ACER3: variants seen among roughly 807,000 people sequenced by gnomAD.
The protein encoded by ACER3 is alkaline ceramidase 3.
ACER3 carries 16 observed loss-of-function variants against 48.9 expected under a neutral mutation model. That is an observed-to-expected ratio of 0.33 (90% CI 0.22 to 0.50). The LOEUF (loss-of-function observed/expected upper bound fraction) is 0.50, where lower values mean the gene tolerates loss of function less well. Among genes scored for constraint, ACER3 ranks in the 20% least tolerant of loss-of-function variants. The pLI is 0.98. For missense variants in ACER3, 227 were observed against 326.0 expected, an observed-to-expected ratio of 0.70 and a Z score of 2.34; for synonymous variants, 109 against 107.8, an observed-to-expected ratio of 1.01 and a Z score of -0.07.
At chr11:76,872,761 A>C (rs1450224623) in intron 1 of ACER3, among the ~76,000 whole-genome samples, 1 of 152,158 alleles carries the variant, frequency 6.6e-6, no homozygotes, top group Non-Finnish European at 1.5e-5. Context: ...GAAGTGCTTT[A>C]CAACAATGGG....
At chr11:76,904,077 C>T (rs968067649) in intron 1 of ACER3, among the ~76,000 whole-genome samples, 4 of 152,136 alleles carry the variant, frequency 2.6e-5, no homozygotes, top group Non-Finnish European at 5.9e-5. Flanking sequence ...ACCTCAGCCT[C>T]GTGGGTTCAA....
At chr11:76,963,452 G>C (rs1241393319) in intron 3 of ACER3, among the ~76,000 whole-genome samples, 1 of 138,604 alleles carries the variant, frequency 7.2e-6, no homozygotes, top group African/African-American at 2.6e-5. Flanking sequence ...ATTTTCTTGA[G>C]ACCACAAGCT....
At chr11:76,893,679 T>C (rs532359209) in intron 1 of ACER3, among the ~76,000 whole-genome samples, 2 of 152,294 alleles carry the variant, frequency 1.3e-5, no homozygotes, top group African/African-American at 4.8e-5. Context: ...GAGAAAATAC[T>C]TCATAGATTT....
At chr11:76,933,090 A>T (rs929370137) in intron 2 of ACER3, among the ~76,000 whole-genome samples, 42 of 151,236 alleles carry the variant, frequency 2.8e-4, no homozygotes, top group Non-Finnish European at 5.9e-4. Context: ...ATTAAGGGGA[A>T]TTAAGATCCT....
At chr11:76,952,033 T>C (rs990375086) in intron 2 of ACER3, among the ~76,000 whole-genome samples, 1 of 152,002 alleles carries the variant, frequency 6.6e-6, no homozygotes, top group Non-Finnish European at 1.5e-5. Flanking sequence ...ACTTAGGAGA[T>C]GGCACTTAAA....
chr11:76,980,904 A>G (rs1488480289), intron 4 of ACER3, among the ~76,000 whole-genome samples: 1 of 152,224 alleles, frequency 6.6e-6, no homozygotes, highest in Non-Finnish European at 1.5e-5. Flanking sequence ...AACTTATTGT[A>G]TGCTATTCAT....
Position 77,025,244 on chromosome 11 carries a change from A to G in ACER3, c.*4917A>G, listed in dbSNP as rs1040291225. The stretch of plus-strand genomic sequence containing the variant: ...CCCTATAAGCATTCATTCAGAGATC[A>G]TCTGTGCCTAAAAGAAAATGATAAA... On this transcript the variant is annotated 3_prime_UTR_variant, in exon 11 of 11. Transcript: ENST00000532485. 1.8e-4 allele frequency: 28 copies of G among 152,038 alleles called. No individual in the cohort carries two copies. The highest frequency in any genetic ancestry group is 1.8e-3 in the Admixed American group (27 of 15,262). 9.4% of individuals were successfully genotyped at this position (152,038 alleles called of 1,614,324 possible).
At chr11:77,019,898 A>G (rs1949443649) in intron 10 of ACER3, 122 bp downstream of exon 10, 1 of 977,454 alleles carries the variant, frequency 1.0e-6, no homozygotes, top group Non-Finnish European at 1.6e-6. Context: ...CTTTGGAACC[A>G]AAGGCTGTGA....
At chr11:76,894,974 A>G (rs906502290) in intron 1 of ACER3, among the ~76,000 whole-genome samples, 4 of 152,200 alleles carry the variant, frequency 2.6e-5, no homozygotes, top group Admixed American at 2.6e-4. Context: ...GAAATTCCCA[A>G]TGAGGTATTT....
At chr11:76,900,427 T>C (rs1020260744) in intron 1 of ACER3, among the ~76,000 whole-genome samples, 6 of 152,242 alleles carry the variant, frequency 3.9e-5, no homozygotes, top group African/African-American at 1.2e-4. Flanking sequence ...AAAATGTTTC[T>C]ATATGATAAC....
At chr11:76,901,986 C>T (rs1946093700) in intron 1 of ACER3, among the ~76,000 whole-genome samples, 1 of 152,062 alleles carries the variant, frequency 6.6e-6, no homozygotes, top group South Asian at 2.1e-4. Flanking sequence ...GTTAACCTAT[C>T]CCTTCCTGCC....
At chr11:76,972,831 T>C (rs1948341498) in intron 3 of ACER3, among the ~76,000 whole-genome samples, 1 of 152,198 alleles carries the variant, frequency 6.6e-6, no homozygotes, top group South Asian at 2.1e-4. Flanking sequence ...GGAACCCCTG[T>C]ATTGTTGCTG....
intron 1 of ACER3, among the ~76,000 whole-genome samples, chr11:76,897,682 A>T (rs1375935651): frequency 2.6e-5 from 4 of 152,202 alleles, no homozygotes; most frequent in East Asian, 3.8e-4. Context: ...ATTGCTGGCA[A>T]AAAAGGAAAA....
intron 2 of ACER3, among the ~76,000 whole-genome samples, chr11:76,939,102 C>T (rs1947272077): frequency 6.6e-6 from 1 of 151,884 alleles, no homozygotes; most frequent in South Asian, 2.1e-4. Context: ...TCCATGAGTT[C>T]CTATGATTCT....
At chr11:76,971,879 CAGTT>C (rs1948315903) in intron 3 of ACER3, among the ~76,000 whole-genome samples, 1 of 151,908 alleles carries the variant, frequency 6.6e-6, no homozygotes, top group Admixed American at 6.6e-5. Context: ...GTCAGATTCT[CAGTT>C]AATCTTTCCT....
intron 1 of ACER3, among the ~76,000 whole-genome samples, chr11:76,882,483 TTCTG>T (rs1316827368): frequency 1.4e-4 from 22 of 152,236 alleles, no homozygotes; most frequent in Admixed American, 1.1e-3. Context: ...TCTTTATTAT[TTCTG>T]TCTTTCTCCA....
chr11:76,950,148 A>G (rs1158843536), intron 2 of ACER3, among the ~76,000 whole-genome samples: 2 of 151,652 alleles, frequency 1.3e-5, no homozygotes, highest in Non-Finnish European at 2.9e-5. Context: ...TTAGTGCACC[A>G]TATTGTAATT....
At chr11:76,867,231 G>A (rs1945112864) in intron 1 of ACER3, among the ~76,000 whole-genome samples, 1 of 151,868 alleles carries the variant, frequency 6.6e-6, no homozygotes, top group Non-Finnish European at 1.5e-5. Context: ...CACTTTGGGA[G>A]GCCAAAGCAG....
At position 76,953,385 on chromosome 11, in the gene ACER3, G is replaced by A. The variant is rs533698787; in HGVS notation, c.215-5594G>A. ...AGGCCGAGGTGGGTGGATTACTTGA[G>A]GTCAGGAGTTGAGACCAGCCTGGCC... On this transcript the variant is annotated intron_variant, in intron 2 of 10. Coordinates refer to ENST00000532485, the MANE Select transcript of ACER3 (RefSeq NM_018367.7). Among the ~76,000 whole-genome samples, 3 of 152,212 alleles carry A rather than the reference G, an allele frequency of 2.0e-5. No homozygotes were observed. In the East Asian group the frequency reaches 5.8e-4, roughly 29 times the overall value.
Sources: allele counts gnomAD v4.1 joint callset (sites outside exome capture counted in the v4.1 genomes callset), GRCh38; gene constraint gnomAD v4.1.1; transcripts MANE v1.5; gene names NCBI Gene and HGNC (gene_info 2026-07-23, HGNC 2026-07-21).